UNC79: variants seen among roughly 807,000 people sequenced by gnomAD.
The protein encoded by UNC79 is protein unc-79 homolog.
UNC79 carries 37 observed loss-of-function variants against 283.1 expected under a neutral mutation model. That is an observed-to-expected ratio of 0.13 (90% CI 0.10 to 0.17). The LOEUF is 0.17. Among genes scored for constraint, UNC79 ranks in the 10% least tolerant of loss-of-function variants. UNC79 has a pLI of 1.00. For missense variants in UNC79, 2,272 were observed against 3,211.1 expected (o/e 0.71, Z 7.07); for synonymous variants, 1,107 against 1,200.2 (o/e 0.92, Z 1.61).
chr14:93,416,593 A>G (rs564128603), intron 1 of UNC79, among the ~76,000 whole-genome samples: 7 of 151,344 alleles, frequency 4.6e-5, no homozygotes, highest in South Asian at 2.1e-4. Context: ...TTTCTGTCTC[A>G]TTGATCTGTC....
At chr14:93,449,419 A>G (rs2056563701) in intron 1 of UNC79, among the ~76,000 whole-genome samples, 1 of 152,188 alleles carries the variant, frequency 6.6e-6, no homozygotes, top group Admixed American at 6.5e-5. Flanking sequence ...GAAGTCACAG[A>G]AGCTCTTTAT....
At chr14:93,560,203 A>G (rs779401409) in intron 14 of UNC79, among the ~76,000 whole-genome samples, 1 of 152,212 alleles carries the variant, frequency 6.6e-6, no homozygotes, top group Non-Finnish European at 1.5e-5. Flanking sequence ...CAGGACATCC[A>G]ATTAGAGAGT....
intron 1 of UNC79, among the ~76,000 whole-genome samples, chr14:93,409,187 A>G (rs2055286337): frequency 6.6e-6 from 1 of 152,252 alleles, no homozygotes; most frequent in African/African-American, 2.4e-5. Context: ...TCTACAAAGT[A>G]TTAGAACTGA....
At chr14:93,356,278 C>T (rs2054084984) in intron 1 of UNC79, among the ~76,000 whole-genome samples, 2 of 152,190 alleles carry the variant, frequency 1.3e-5, no homozygotes, top group South Asian at 2.1e-4. Context: ...CGGCCTTGGC[C>T]TCCCAAAGTG....
chr14:93,398,395 T>C (rs1423648406), intron 1 of UNC79, among the ~76,000 whole-genome samples: 1 of 152,158 alleles, frequency 6.6e-6, no homozygotes, highest in Non-Finnish European at 1.5e-5. Context: ...GCTTTGATTA[T>C]AATATTGTGC....
chr14:93,510,318 T>C (rs921916067), intron 7 of UNC79, among the ~76,000 whole-genome samples: 1 of 152,232 alleles, frequency 6.6e-6, no homozygotes, highest in African/African-American at 2.4e-5. Context: ...ATTTGGTTCC[T>C]CTTTACTTAT....
At chr14:93,613,964 A>G (rs2066495825) in intron 27 of UNC79, among the ~76,000 whole-genome samples, 2 of 151,834 alleles carry the variant, frequency 1.3e-5, no homozygotes, top group South Asian at 4.2e-4. Context: ...TGTTTCAGCT[A>G]CTTTCCATTT....
At chr14:93,642,522 C>T (rs754617905) in intron 33 of UNC79, among the ~76,000 whole-genome samples, 1 of 151,680 alleles carries the variant, frequency 6.6e-6, no homozygotes, top group Non-Finnish European at 1.5e-5. Flanking sequence ...AATGACCTGA[C>T]AGCCATGACT....
intron 1 of UNC79, among the ~76,000 whole-genome samples, chr14:93,409,109 G>T (rs1408394070): frequency 6.6e-6 from 1 of 152,162 alleles, no homozygotes; most frequent in Non-Finnish European, 1.5e-5. Flanking sequence ...TATAATAATT[G>T]TAAGTGCAAG....
At chr14:93,495,882 A>G (rs1046687023) in intron 5 of UNC79, among the ~76,000 whole-genome samples, 16 of 152,198 alleles carry the variant, frequency 1.1e-4, no homozygotes, top group African/African-American at 3.9e-4. Flanking sequence ...ATTCCTCTAT[A>G]AGATGGAACT....
chr14:93,407,575 C>A (rs1386897791), intron 1 of UNC79, among the ~76,000 whole-genome samples: 2 of 152,120 alleles, frequency 1.3e-5, no homozygotes, highest in African/African-American at 4.8e-5. Flanking sequence ...AAGGTCTGTC[C>A]TTAAAGGAAA....
intron 1 of UNC79, among the ~76,000 whole-genome samples, chr14:93,362,079 A>G (rs1453857194): frequency 6.6e-6 from 1 of 152,074 alleles, no homozygotes; most frequent in Non-Finnish European, 1.5e-5. Flanking sequence ...GTGCTGCTAG[A>G]TTTGGTTTGG....
intron 38 of UNC79, among the ~76,000 whole-genome samples, chr14:93,657,723 G>A (rs79793500): frequency 0.011 from 1,626 of 152,260 alleles, 34 homozygotes; most frequent in African/African-American, 0.037. Context: ...CAGAAGAGTG[G>A]CAAGTGTTGC....
At chr14:93,358,082 T>C (rs972997607) in intron 1 of UNC79, among the ~76,000 whole-genome samples, 67 of 151,628 alleles carry the variant, frequency 4.4e-4, no homozygotes, top group African/African-American at 1.4e-3. Context: ...AGGATGGAGT[T>C]CTTTCACTGG....
intron 14 of UNC79, among the ~76,000 whole-genome samples, chr14:93,544,573 G>T (rs111627072): frequency 4.6e-4 from 70 of 152,298 alleles, no homozygotes; most frequent in African/African-American, 1.7e-3. Flanking sequence ...GTAGGGTTTT[G>T]GTGGATAACA....
intron 7 of UNC79, among the ~76,000 whole-genome samples, chr14:93,507,257 T>C (rs1332723849): frequency 6.6e-6 from 1 of 152,182 alleles, no homozygotes; most frequent in African/African-American, 2.4e-5. Context: ...CTTGGGTATA[T>C]ACCTAGGACT....
chr14:93,600,886 T>C, intron 25 of UNC79, 116 bp downstream of exon 25: 1 of 1,071,076 alleles, frequency 9.3e-7, no homozygotes, highest in South Asian at 1.7e-5. Context: ...CTTGACCTCA[T>C]GCACTCAATT....
At chr14:93,552,364 G>GT (rs1215131974) in intron 14 of UNC79, among the ~76,000 whole-genome samples, 1 of 152,118 alleles carries the variant, frequency 6.6e-6, no homozygotes, top group Admixed American at 6.5e-5. Flanking sequence ...AATTTTTCAT[G>GT]TTTTTTTGCT....
intron 1 of UNC79, among the ~76,000 whole-genome samples, chr14:93,461,114 GA>G (rs2056949480): frequency 6.6e-6 from 1 of 152,284 alleles, no homozygotes; most frequent in Admixed American, 6.5e-5. Flanking sequence ...AAATTTTCTA[GA>G]AGGATAACAT....
Sources: gnomAD v4.1 joint callset for allele counts (sites outside exome capture counted in the v4.1 genomes callset) on GRCh38, gnomAD v4.1.1 for gene constraint, MANE v1.5 for transcripts, NCBI Gene and HGNC (gene_info 2026-07-23, HGNC 2026-07-21) for gene names.